FBXL17: variants seen among roughly 807,000 people sequenced by gnomAD.
The protein encoded by FBXL17 is F-box/LRR-repeat protein 17.
A neutral mutation model predicts 66.2 loss-of-function variants in FBXL17; 22 were observed. The observed-to-expected ratio is 0.33, with a 90% CI of 0.24 to 0.47. The LOEUF (loss-of-function observed/expected upper bound fraction) is 0.47, where lower values mean the gene tolerates loss of function less well. Among genes scored for constraint, FBXL17 ranks in the 20% least tolerant of loss-of-function variants. FBXL17 has a pLI of 1.00. For missense variants in FBXL17, 878 were observed against 948.2 expected (o/e 0.93, Z 0.97); for synonymous variants, 474 against 400.5 (o/e 1.18, Z -2.19).
intron 5 of FBXL17, among the ~76,000 whole-genome samples, chr5:108,215,536 C>T (rs1754561688): frequency 6.6e-6 from 1 of 152,042 alleles, no homozygotes; most frequent in South Asian, 2.1e-4. Context: ...AATATCTATT[C>T]AAGTCTTTTG....
chr5:107,896,778 G>A (rs1371504229), intron 7 of FBXL17, among the ~76,000 whole-genome samples: 7 of 152,076 alleles, frequency 4.6e-5, no homozygotes, highest in African/African-American at 9.7e-5. Context: ...TGAATCCAAC[G>A]TAAAGACCAT....
chr5:107,988,657 G>C (rs969842935), intron 7 of FBXL17, among the ~76,000 whole-genome samples: 3 of 151,978 alleles, frequency 2.0e-5, no homozygotes, highest in Non-Finnish European at 4.4e-5. Context: ...TTGGATGATA[G>C]TTTTTAAATG....
At chr5:107,930,470 G>T (rs997696088) in intron 7 of FBXL17, among the ~76,000 whole-genome samples, 2 of 152,182 alleles carry the variant, frequency 1.3e-5, no homozygotes, top group African/African-American at 4.8e-5. Context: ...GTTCTTTTCT[G>T]TCACAAAGTC....
chr5:107,941,469 A>G (rs1428022263), intron 7 of FBXL17, among the ~76,000 whole-genome samples: 1 of 152,216 alleles, frequency 6.6e-6, no homozygotes, highest in African/African-American at 2.4e-5. Context: ...CTCGGGTAGA[A>G]TGACGGATGC....
chr5:108,000,513 T>C (rs959797201), intron 7 of FBXL17, among the ~76,000 whole-genome samples: 5 of 152,210 alleles, frequency 3.3e-5, no homozygotes, highest in Non-Finnish European at 5.9e-5. Flanking sequence ...GCAATAACAA[T>C]ATTTTACAAA....
At chr5:107,965,968 C>T (rs189142165) in intron 7 of FBXL17, among the ~76,000 whole-genome samples, 230 of 152,022 alleles carry the variant, frequency 1.5e-3, no homozygotes, top group African/African-American at 5.1e-3. Flanking sequence ...CTATAAAAGA[C>T]GATATGATTG....
At chr5:108,255,481 T>C (rs1756537276) in intron 4 of FBXL17, among the ~76,000 whole-genome samples, 1 of 152,176 alleles carries the variant, frequency 6.6e-6, no homozygotes, top group African/African-American at 2.4e-5. Context: ...CTTTTCACTT[T>C]TTTAATAAAG....
At chr5:108,007,698 T>C (rs901299624) in intron 7 of FBXL17, among the ~76,000 whole-genome samples, 5 of 152,166 alleles carry the variant, frequency 3.3e-5, no homozygotes, top group Non-Finnish European at 7.3e-5. Context: ...ATGAACAATA[T>C]TTAAAAAGTA....
chr5:108,360,759 G>A (rs1748293258), intron 3 of FBXL17, among the ~76,000 whole-genome samples: 1 of 151,894 alleles, frequency 6.6e-6, no homozygotes, highest in African/African-American at 2.4e-5. Flanking sequence ...CATCTCTTAG[G>A]CTCTACTTAC....
chr5:108,176,066 G>A (rs1752783542), intron 6 of FBXL17, among the ~76,000 whole-genome samples: 1 of 152,142 alleles, frequency 6.6e-6, no homozygotes, highest in African/African-American at 2.4e-5. Context: ...GGAGAAGTGG[G>A]AGATGGTATA....
chr5:107,977,214 A>G (rs1752613517), intron 7 of FBXL17, among the ~76,000 whole-genome samples: 2 of 151,990 alleles, frequency 1.3e-5, no homozygotes, highest in Non-Finnish European at 1.5e-5. Flanking sequence ...ACATGTTCCA[A>G]TTTTTTTTAA....
At chr5:108,128,851 A>G (rs1240540125) in intron 6 of FBXL17, among the ~76,000 whole-genome samples, 1 of 152,176 alleles carries the variant, frequency 6.6e-6, no homozygotes, top group Non-Finnish European at 1.5e-5. Flanking sequence ...TTTCAAAAGT[A>G]TATATAACTT....
intron 6 of FBXL17, among the ~76,000 whole-genome samples, chr5:108,040,192 T>C (rs1746993188): frequency 6.6e-6 from 1 of 152,138 alleles, no homozygotes; most frequent in Admixed American, 6.6e-5. Flanking sequence ...GAGCCTCTAA[T>C]CATTTGGAGT....
chr5:108,233,461 A>G (rs1293056354), intron 4 of FBXL17, among the ~76,000 whole-genome samples: 2 of 152,208 alleles, frequency 1.3e-5, no homozygotes, highest in Non-Finnish European at 2.9e-5. Flanking sequence ...TAGTACGCAG[A>G]GAAAATGTGA....
intron 4 of FBXL17, among the ~76,000 whole-genome samples, chr5:108,305,187 G>C (rs186796437): frequency 2.6e-4 from 39 of 152,124 alleles, no homozygotes; most frequent in Admixed American, 2.6e-3. Flanking sequence ...GGTTAACATA[G>C]AGTTGGTTAG....
At chr5:108,047,212 C>T (rs1264445249) in intron 6 of FBXL17, among the ~76,000 whole-genome samples, 4 of 152,196 alleles carry the variant, frequency 2.6e-5, no homozygotes, top group African/African-American at 9.7e-5. Context: ...GAGAGCCACA[C>T]GGGGCAGGGG....
intron 6 of FBXL17, among the ~76,000 whole-genome samples, chr5:108,067,967 T>G (rs749495192): frequency 1.3e-5 from 2 of 152,232 alleles, no homozygotes; most frequent in African/African-American, 2.4e-5. Context: ...TATCAGCACA[T>G]ATCCTCAAAT....
chr5:107,878,809 C>G (rs11745018), intron 8 of FBXL17: 2 of 985,370 alleles, frequency 2.0e-6, no homozygotes, highest in Non-Finnish European at 2.4e-6. Flanking sequence ...GTGTTTGGCT[C>G]TGAGCTGCTT....
At chr5:108,024,197 G>C (rs1468341260) in intron 6 of FBXL17, among the ~76,000 whole-genome samples, 1 of 152,106 alleles carries the variant, frequency 6.6e-6, no homozygotes, top group East Asian at 1.9e-4. Flanking sequence ...AAAAAGAACT[G>C]TCTCCTTACA....
Sources: gnomAD v4.1 joint callset for allele counts (sites outside exome capture counted in the v4.1 genomes callset) on GRCh38, gnomAD v4.1.1 for gene constraint, MANE v1.5 for transcripts, NCBI Gene and HGNC (gene_info 2026-07-23, HGNC 2026-07-21) for gene names.